Variants in RBMS1 observed in about 807,000 individuals in gnomAD.
RBMS1 encodes RNA-binding motif, single-stranded-interacting protein 1.
In RBMS1, 17 loss-of-function variants were observed where a neutral mutation model predicts 62.3. The observed-to-expected ratio is 0.27, with a 90% CI of 0.19 to 0.41. The LOEUF (loss-of-function observed/expected upper bound fraction) is 0.41, where lower values mean the gene tolerates loss of function less well. Ranked by LOEUF, RBMS1 falls within the 10% of genes least tolerant of loss-of-function variation. The probability of loss-of-function intolerance (pLI) is 1.00; values close to 1 mark genes in which losing one functional copy is unlikely to be tolerated. For missense variants in RBMS1, 334 were observed against 504.5 expected (o/e 0.66, Z 3.24); for synonymous variants, 172 against 170.0 (o/e 1.01, Z -0.09).
chr2:160,452,062 A>G (rs1180237021), intron 1 of RBMS1, among the ~76,000 whole-genome samples: 1 of 152,242 alleles, frequency 6.6e-6, no homozygotes, highest in Non-Finnish European at 1.5e-5. Flanking sequence ...GAGGCTGTAC[A>G]AAGAATTTAA....
At chr2:160,346,207 T>C (rs2106000031) in intron 2 of RBMS1, among the ~76,000 whole-genome samples, 1 of 152,276 alleles carries the variant, frequency 6.6e-6, no homozygotes, top group Admixed American at 6.5e-5. Flanking sequence ...TGGGCTGCGA[T>C]ATTACCGACC....
intron 1 of RBMS1, among the ~76,000 whole-genome samples, chr2:160,487,360 A>G (rs763013063): frequency 2.6e-5 from 4 of 152,200 alleles, no homozygotes; most frequent in Non-Finnish European, 5.9e-5. Flanking sequence ...TCGTGGGTGC[A>G]CTACTTTGTA....
intron 1 of RBMS1, among the ~76,000 whole-genome samples, chr2:160,467,544 G>C (rs1435619591): frequency 1.3e-5 from 2 of 152,164 alleles, no homozygotes; most frequent in Non-Finnish European, 2.9e-5. Context: ...CAATGTATGA[G>C]AGCACCACAA....
intron 2 of RBMS1, among the ~76,000 whole-genome samples, chr2:160,323,077 A>C (rs1354604325): frequency 6.6e-6 from 1 of 152,196 alleles, no homozygotes; most frequent in Admixed American, 6.5e-5. Flanking sequence ...TTCTGTTGTC[A>C]ATCACCAATG....
intron 3 of RBMS1, among the ~76,000 whole-genome samples, chr2:160,317,329 C>T (rs950996083): frequency 6.6e-6 from 1 of 152,204 alleles, no homozygotes; most frequent in African/African-American, 2.4e-5. Flanking sequence ...GTCTAATTAA[C>T]GAGGAGATTT....
chr2:160,449,588 G>A (rs1449073743), intron 1 of RBMS1, among the ~76,000 whole-genome samples: 1 of 152,080 alleles, frequency 6.6e-6, no homozygotes, highest in Non-Finnish European at 1.5e-5. Context: ...GATTAAGGGC[G>A]GTGCAAGATG....
At chr2:160,331,507 T>C (rs1173742931) in intron 2 of RBMS1, among the ~76,000 whole-genome samples, 1 of 152,198 alleles carries the variant, frequency 6.6e-6, no homozygotes, top group Admixed American at 6.6e-5. Context: ...GTGTGTGCCC[T>C]TGGACTGTGT....
rs1222679582 is a variant in RBMS1, at chr2:160,323,186, A to T, written c.252-4959T>A. On this transcript the variant is annotated intron_variant, in intron 2 of 13. Transcript: ENST00000348849. ...GTAGCTTAATTTTTTTTTTTTTTTT[A>T]AATCATCAGCCAGGCACGGTGGCTC... Among the ~76,000 whole-genome samples the T allele has an allele frequency of 8.1e-5, 11 of 135,884 alleles. No individual in the cohort carries two copies. The East Asian group carries it at 1.8e-3, about 22-fold the overall frequency. 89.1% of individuals were successfully genotyped at this position (135,884 alleles called of 152,430 possible). A position where few individuals can be genotyped will look rare whatever the true frequency, so the allele number is the denominator to read the frequency against.
chr2:160,411,351 G>T (rs1385478619), intron 1 of RBMS1, among the ~76,000 whole-genome samples: 1 of 152,190 alleles, frequency 6.6e-6, no homozygotes, highest in African/African-American at 2.4e-5. Flanking sequence ...CCAAGGTTAT[G>T]AGGAAGCAGA....
chr2:160,339,702 AT>A (rs1282627871), intron 2 of RBMS1, among the ~76,000 whole-genome samples: 3 of 17,486 alleles, frequency 1.7e-4, no homozygotes, highest in Admixed American at 1.2e-3. Context: ...TGCAATTAAA[AT>A]ATATATATAT....
chr2:160,449,092 G>A (rs1044330269), intron 1 of RBMS1, among the ~76,000 whole-genome samples: 5 of 150,922 alleles, frequency 3.3e-5, no homozygotes, highest in African/African-American at 9.8e-5. Context: ...GAGCCCCTCC[G>A]CCCGGCAGCC....
chr2:160,275,299 G>T, intron 13 of RBMS1: 1 of 163,892 alleles, frequency 6.1e-6, no homozygotes, highest in Non-Finnish European at 1.3e-5. Flanking sequence ...TCCAGTTTCT[G>T]AGTATTAAAG....
intron 2 of RBMS1, among the ~76,000 whole-genome samples, chr2:160,339,463 G>A (rs1691749090): frequency 6.6e-6 from 1 of 152,122 alleles, no homozygotes; most frequent in South Asian, 2.1e-4. Flanking sequence ...AGATGTCAAA[G>A]CCATGGTGAT....
At position 160,331,433 on chromosome 2, in the gene RBMS1, G is replaced by A. The variant is rs187728204; in HGVS notation, c.252-13206C>T. Among the ~76,000 whole-genome samples, 332 of 152,222 alleles carry A rather than the reference G, an allele frequency of 2.2e-3. 2 individuals carry two copies. The highest frequency in any genetic ancestry group is 7.8e-3 in the African/African-American group (322 of 41,540). ...ACTCTGCCCATGGCATCCTGTCCACGCAGCATCTTGGTGCAGCAATCAGCA... is the reference window on the plus strand; with the variant it reads ...ACTCTGCCCATGGCATCCTGTCCACACAGCATCTTGGTGCAGCAATCAGCA... On this transcript the variant is annotated intron_variant, in intron 2 of 13. Transcript: ENST00000348849.
At chr2:160,311,228 C>CCATATATA (rs1553505409) in intron 4 of RBMS1, among the ~76,000 whole-genome samples, 3 of 95,944 alleles carry the variant, frequency 3.1e-5, no homozygotes, top group Non-Finnish European at 6.3e-5. Flanking sequence ...ATCTATCTAT[C>CCATATATA]TATCTATATA....
At chr2:160,388,492 G>C (rs944035738) in intron 1 of RBMS1, among the ~76,000 whole-genome samples, 1 of 152,142 alleles carries the variant, frequency 6.6e-6, no homozygotes, top group East Asian at 1.9e-4. Context: ...AGCTGGAAGG[G>C]CTACTCCACG....
At chr2:160,368,486 T>G (rs150582725) in intron 1 of RBMS1, among the ~76,000 whole-genome samples, 1 of 152,080 alleles carries the variant, frequency 6.6e-6, no homozygotes, top group Non-Finnish European at 1.5e-5. Context: ...CAGTGGAAAG[T>G]TGGAGAAGCA....
chr2:160,470,680 G>A (rs1487664043), intron 1 of RBMS1, among the ~76,000 whole-genome samples: 2 of 151,896 alleles, frequency 1.3e-5, no homozygotes, highest in Non-Finnish European at 2.9e-5. Context: ...GATACCATCC[G>A]TGGCCCTCAT....
At chr2:160,478,797 G>A (rs1300628270) in intron 1 of RBMS1, among the ~76,000 whole-genome samples, 1 of 152,202 alleles carries the variant, frequency 6.6e-6, no homozygotes, top group Non-Finnish European at 1.5e-5. Context: ...CAACGGGCTT[G>A]TTGATGCCAC....
Sources: gnomAD v4.1 joint callset for allele counts (sites outside exome capture counted in the v4.1 genomes callset) on GRCh38, gnomAD v4.1.1 for gene constraint, MANE v1.5 for transcripts, NCBI Gene and HGNC (gene_info 2026-07-23, HGNC 2026-07-21) for gene names.